The following STRBP variants were observed in gnomAD, a reference collection of about 807,000 sequenced individuals.
STRBP encodes spermatid perinuclear RNA binding protein, also known as spermatid perinuclear RNA-binding protein.
In STRBP, 13 loss-of-function variants were observed where a neutral mutation model predicts 80.1. The observed-to-expected ratio is 0.16, with a 90% confidence interval of 0.11 to 0.26. The LOEUF (loss-of-function observed/expected upper bound fraction) is 0.26, where lower values mean the gene tolerates loss of function less well. Ranked by LOEUF, STRBP falls within the 10% of genes least tolerant of loss-of-function variation. The pLI is 1.00. For missense variants in STRBP, 485 were observed against 815.2 expected, an observed-to-expected ratio of 0.59 and a Z score of 4.93; for synonymous variants, 284 against 291.2, an observed-to-expected ratio of 0.98 and a Z score of 0.25.
intron 2 of STRBP, among the ~76,000 whole-genome samples, chr9:123,209,585 T>A (rs996532823): frequency 6.6e-6 from 1 of 152,164 alleles, no homozygotes; most frequent in African/African-American, 2.4e-5. Flanking sequence ...AGAAACAACA[T>A]GTAAAGAGGA....
At chr9:123,131,599 G>A (rs182897091) in intron 17 of STRBP, among the ~76,000 whole-genome samples, 1 of 152,254 alleles carries the variant, frequency 6.6e-6, no homozygotes, top group Non-Finnish European at 1.5e-5. Context: ...AAGCCTCCAG[G>A]GACCCACTAA....
intron 1 of STRBP, 61 bp downstream of exon 1, chr9:123,268,363 CAACCGCCGCCTT>C (rs530781429): frequency 0.019 from 2,837 of 151,564 alleles, 42 homozygotes; most frequent in Non-Finnish European, 0.032. Context: ...CCAACCGCCT[CAACCGCCGCCTT>C]AACCGCCGCC....
chr9:123,217,009 A>C (rs994883090), intron 2 of STRBP, among the ~76,000 whole-genome samples: 23 of 152,228 alleles, frequency 1.5e-4, no homozygotes, highest in Admixed American at 1.0e-3. Flanking sequence ...AGTAAAAGAT[A>C]CCTGCCTTAT....
At chr9:123,263,468 T>C (rs1588167827) in intron 1 of STRBP, among the ~76,000 whole-genome samples, 1 of 136,180 alleles carries the variant, frequency 7.3e-6, no homozygotes, top group East Asian at 2.2e-4. Context: ...AAGGTTACAA[T>C]GAGCTATGAT....
At chr9:123,258,786 G>A (rs2041094218) in intron 1 of STRBP, among the ~76,000 whole-genome samples, 1 of 134,276 alleles carries the variant, frequency 7.4e-6, no homozygotes, top group African/African-American at 3.0e-5. Flanking sequence ...GGGTGACAGA[G>A]CGAGACTCCG....
chr9:123,241,458 G>A (rs546007777), intron 1 of STRBP, among the ~76,000 whole-genome samples: 14 of 151,990 alleles, frequency 9.2e-5, no homozygotes, highest in African/African-American at 2.7e-4. Flanking sequence ...GCAGAGAGCC[G>A]TGATCGTGCC....
intron 13 of STRBP, among the ~76,000 whole-genome samples, chr9:123,144,993 AAGTTT>A (rs2036752615): frequency 6.6e-6 from 1 of 152,204 alleles, no homozygotes; most frequent in African/African-American, 2.4e-5. Flanking sequence ...GGATGGATCA[AAGTTT>A]AGTTTATCCC....
chr9:123,162,335 C>A (rs549303871), intron 6 of STRBP, among the ~76,000 whole-genome samples: 1 of 152,156 alleles, frequency 6.6e-6, no homozygotes, highest in African/African-American at 2.4e-5. Flanking sequence ...AGCGATCCTC[C>A]CACCTCACCC....
intron 2 of STRBP, among the ~76,000 whole-genome samples, chr9:123,235,806 A>G (rs569563353): frequency 6.6e-6 from 1 of 152,280 alleles, no homozygotes; most frequent in African/African-American, 2.4e-5. Flanking sequence ...TCACTTCTGA[A>G]ATGATTTAGG....
intron 2 of STRBP, among the ~76,000 whole-genome samples, chr9:123,206,865 T>C (rs565662645): frequency 6.6e-6 from 1 of 152,296 alleles, no homozygotes; most frequent in Admixed American, 6.5e-5. Context: ...CTCGAACTAC[T>C]GACCTCAGGT....
chr9:123,226,872 T>A (rs2040252298), intron 2 of STRBP, among the ~76,000 whole-genome samples: 1 of 152,162 alleles, frequency 6.6e-6, no homozygotes, highest in Admixed American at 6.5e-5. Flanking sequence ...AATAAAAATA[T>A]ATTTGGCTCA....
rs10546358 is a variant in STRBP, at chr9:123,182,217, TAAAAAAAAAAA to T, written c.3+1904_3+1914del. Among the ~76,000 whole-genome samples, 287 of 69,802 alleles carry T rather than the reference TAAAAAAAAAAA, an allele frequency of 4.1e-3. 1 individual carries two copies. The highest frequency in any genetic ancestry group is 7.2e-3 in the Non-Finnish European group (201 of 28,098). The allele number at this position is 69,802 out of a possible 152,430, so 45.8% of individuals were successfully genotyped here. On this transcript the variant is annotated intron_variant, in intron 3 of 18. Transcript: ENST00000348403. Reference sequence around the variant, plus strand: ...GCAACAGAGTGAGACTCCGTTTCTTTAAAAAAAAAAAAAAAAAAAAAAAAAAAAAAAGACAA... The same window carrying T: ...GCAACAGAGTGAGACTCCGTTTCTTTAAAAAAAAAAAAAAAAAAAAGACAA...
At chr9:123,153,826 A>T (rs2037163983) in intron 11 of STRBP, among the ~76,000 whole-genome samples, 1 of 152,138 alleles carries the variant, frequency 6.6e-6, no homozygotes, top group African/African-American at 2.4e-5. Flanking sequence ...AAGACAAGAG[A>T]CTAAATGAGG....
At chr9:123,168,263 T>TA (rs1184789109) in intron 6 of STRBP, 6 of 981,008 alleles carry the variant, frequency 6.1e-6, no homozygotes, top group Non-Finnish European at 7.3e-6. Flanking sequence ...GTAAAGCTGT[T>TA]AAAAAAATTA....
At chr9:123,148,047 C>T (rs1035769909) in intron 11 of STRBP, among the ~76,000 whole-genome samples, 177 bp from the exon 12 acceptor site, 6 of 152,140 alleles carry the variant, frequency 3.9e-5, no homozygotes, top group Admixed American at 3.9e-4. Context: ...AAATTTTTTA[C>T]AGCAAATCTT....
At chr9:123,211,563 T>C (rs564583708) in intron 2 of STRBP, among the ~76,000 whole-genome samples, 70 of 152,326 alleles carry the variant, frequency 4.6e-4, no homozygotes, top group Non-Finnish European at 8.5e-4. Flanking sequence ...ACAAGGACTA[T>C]GACTAATCCA....
At chr9:123,111,378 C>A in intron 3 of STRBP, 1 of 293,416 alleles carries the variant, frequency 3.4e-6, no homozygotes, top group Non-Finnish European at 7.0e-6. Context: ...CCCTAGCTAT[C>A]TAAAACTCCT....
chr9:123,228,388 T>G (rs1358961123), intron 2 of STRBP, among the ~76,000 whole-genome samples: 7 of 152,164 alleles, frequency 4.6e-5, no homozygotes, highest in Admixed American at 2.0e-4. Flanking sequence ...GACACGCCAA[T>G]TTTTAAAGGC....
At chr9:123,210,562 G>A (rs1271687710) in intron 2 of STRBP, among the ~76,000 whole-genome samples, 1 of 152,206 alleles carries the variant, frequency 6.6e-6, no homozygotes, top group South Asian at 2.1e-4. Flanking sequence ...GCCGGGCGCA[G>A]TGGCTCACGC....
Sources: gnomAD v4.1 joint callset for allele counts (sites outside exome capture counted in the v4.1 genomes callset) on GRCh38, gnomAD v4.1.1 for gene constraint, MANE v1.5 for transcripts, NCBI Gene and HGNC (gene_info 2026-07-23, HGNC 2026-07-21) for gene names.